The following MFSD11 variants were observed in gnomAD, a reference collection of about 807,000 sequenced individuals.
The protein encoded by MFSD11 is major facilitator superfamily domain containing 11.
MFSD11 carries 36 observed loss-of-function variants against 53.5 expected under a neutral mutation model. That is an observed-to-expected ratio of 0.67 (90% confidence interval 0.52 to 0.89). The LOEUF (loss-of-function observed/expected upper bound fraction) is 0.89. Ranked by LOEUF, MFSD11 falls within the 40% of genes least tolerant of loss-of-function variation. MFSD11 has a pLI of 0.00. For missense variants in MFSD11, 530 were observed against 543.9 expected (o/e 0.97, Z 0.25); for synonymous variants, 186 against 184.9 (o/e 1.01, Z -0.05).
chr17:76,772,012 G>C (rs1380932169), intron 10 of MFSD11, among the ~76,000 whole-genome samples: 2 of 152,126 alleles, frequency 1.3e-5, no homozygotes, highest in Non-Finnish European at 2.9e-5. Flanking sequence ...GTCAGTGCAG[G>C]GTTGTCTTCT....
upstream of MFSD11, chr17:76,737,341 G>A (rs1410485842): frequency 1.6e-5 from 12 of 759,192 alleles, no homozygotes; most frequent in South Asian, 9.0e-5. Flanking sequence ...TGGGCGGGCA[G>A]CCGGCCTCTG....
chr17:76,780,358 CAG>C (rs2144983838), downstream of MFSD11, among the ~76,000 whole-genome samples: 1 of 151,626 alleles, frequency 6.6e-6, no homozygotes, highest in South Asian at 2.1e-4. Flanking sequence ...TTAGTAGAGA[CAG>C]AGTCTCCCTA....
At chr17:76,791,223 A>G in the MFSD11 span, among the ~76,000 whole-genome samples, 3 of 148,798 alleles carry the variant, frequency 2.0e-5, no homozygotes, top group Non-Finnish European at 4.5e-5. Context: ...TTTCTGTGTG[A>G]TAATTTAGAG....
the MFSD11 span, among the ~76,000 whole-genome samples, chr17:76,791,236 C>A: frequency 1.3e-5 from 2 of 148,868 alleles, no homozygotes; most frequent in South Asian, 4.4e-4. Flanking sequence ...ATTTAGAGAA[C>A]AAGCAGATTG....
chr17:76,767,905 G>A (rs2081005743), intron 9 of MFSD11, among the ~76,000 whole-genome samples: 1 of 152,160 alleles, frequency 6.6e-6, no homozygotes, highest in African/African-American at 2.4e-5. Flanking sequence ...TCCACACAAG[G>A]TTCAGAAAAA....
At chr17:76,741,275 A>G (rs746082301) in intron 3 of MFSD11, among the ~76,000 whole-genome samples, 4 of 152,240 alleles carry the variant, frequency 2.6e-5, no homozygotes, top group Non-Finnish European at 5.9e-5. Context: ...GTTAATAAAA[A>G]TAGTATCCAA....
At chr17:76,772,872 G>A (rs1306507812) in intron 10 of MFSD11, among the ~76,000 whole-genome samples, 2 of 152,112 alleles carry the variant, frequency 1.3e-5, no homozygotes, top group Non-Finnish European at 2.9e-5. Flanking sequence ...ATTGAAAACA[G>A]CATACCTTTT....
intron 8 of MFSD11, among the ~76,000 whole-genome samples, chr17:76,757,427 C>G (rs2079763418): frequency 6.6e-6 from 1 of 152,048 alleles, no homozygotes; most frequent in African/African-American, 2.4e-5. Context: ...GCAAGGGAGC[C>G]AGAGGCATAG....
Position 76,740,970 on chromosome 17 carries a change from T to C in MFSD11, c.166T>C (p.Tyr56His). 6.3e-7 allele frequency: 1 copy of C among 1,599,088 alleles called. No homozygotes were observed. Reference sequence around the variant, plus strand: ...TTATGTGTGCAGCATGGCTATTATCTATGGAGTGTTCTCTGCTTCAAATTT... The same window carrying C: ...TTATGTGTGCAGCATGGCTATTATCCATGGAGTGTTCTCTGCTTCAAATTT... Reference protein sequence around the residue: ...GSGYTSMAIIYGVFSASNLIT... With the variant: ...GSGYTSMAIIHGVFSASNLIT... Residue 56 changes from tyrosine (Y) to histidine (H), a missense_variant, in exon 3 of 13, where the codon TAT (tyrosine) becomes CAT (histidine). Transcript: ENST00000685175.
At chr17:76,763,903 C>A (rs1447467499) in intron 8 of MFSD11, among the ~76,000 whole-genome samples, 1 of 151,686 alleles carries the variant, frequency 6.6e-6, no homozygotes, top group Non-Finnish European at 1.5e-5. Context: ...TGCTCTGTCA[C>A]CCAGGCTGGA....
chr17:76,758,293 A>G (rs1033403488), intron 8 of MFSD11, among the ~76,000 whole-genome samples: 6 of 117,774 alleles, frequency 5.1e-5, no homozygotes, highest in African/African-American at 1.7e-4. Context: ...TATAAAAGTA[A>G]TTGAGGCTGG....
the MFSD11 span, among the ~76,000 whole-genome samples, chr17:76,795,229 C>T: frequency 1.9e-4 from 28 of 150,312 alleles, no homozygotes; most frequent in Non-Finnish European, 3.0e-4. Flanking sequence ...TGCCTGTAAT[C>T]CCAGCACTTT....
chr17:76,791,065 A>G, the MFSD11 span, among the ~76,000 whole-genome samples: 2 of 149,152 alleles, frequency 1.3e-5, no homozygotes, highest in African/African-American at 5.0e-5. Context: ...TAGAAGGTCA[A>G]ACTTGACCTT....
At chr17:76,739,317 G>T (rs2144036719) in intron 2 of MFSD11, among the ~76,000 whole-genome samples, 1 of 152,290 alleles carries the variant, frequency 6.6e-6, no homozygotes, top group Non-Finnish European at 1.5e-5. Context: ...AAGCACTCTA[G>T]TATTGTCATG....
chr17:76,737,246 T>C, upstream of MFSD11: 7 of 1,452,288 alleles, frequency 4.8e-6, no homozygotes, highest in Non-Finnish European at 6.4e-6. Context: ...CTCAGGCAGT[T>C]GCCTTCCGCG....
At chr17:76,798,609 G>C in the MFSD11 span, among the ~76,000 whole-genome samples, 1 of 152,120 alleles carries the variant, frequency 6.6e-6, no homozygotes. Context: ...GGAGTTCTGT[G>C]CCACTGAGGA....
At chr17:76,737,294 G>C (rs150381051), upstream of MFSD11, 32 of 1,265,906 alleles carry the variant, frequency 2.5e-5, no homozygotes, top group Non-Finnish European at 3.4e-5. Context: ...AGAACAGCAC[G>C]GACGGGCTCC....
chr17:76,742,303 C>G, intron 5 of MFSD11, 30 bp downstream of exon 5: 1 of 1,563,236 alleles, frequency 6.4e-7, no homozygotes, highest in Middle Eastern at 1.7e-4. Flanking sequence ...TCAGTCTTTC[C>G]TTTTCTTTCT....
the MFSD11 span, among the ~76,000 whole-genome samples, chr17:76,799,936 T>TTTTTC: frequency 6.7e-6 from 1 of 149,388 alleles, no homozygotes; most frequent in African/African-American, 2.5e-5. Flanking sequence ...TTTCTTCTCT[T>TTTTTC]TTTTTCTTTT....
Sources: gnomAD v4.1 joint callset for allele counts (sites outside exome capture counted in the v4.1 genomes callset) on GRCh38, gnomAD v4.1.1 for gene constraint, MANE v1.5 for transcripts, NCBI Gene and HGNC (gene_info 2026-07-23, HGNC 2026-07-21) for gene names.